The following SRBD1 variants were observed in gnomAD, a reference collection of about 807,000 sequenced individuals.
SRBD1 encodes the protein S1 RNA binding domain 1.
Under a neutral mutation model 115.3 loss-of-function variants are expected in SRBD1, and 88 were observed. The observed-to-expected ratio is 0.76, with a 90% CI of 0.64 to 0.91. SRBD1 has a LOEUF of 0.91. SRBD1 is among the 40% of genes least tolerant of loss of function. The pLI is 0.00. For missense variants in SRBD1, 1,385 were observed against 1,177.4 expected, an observed-to-expected ratio of 1.18 and a Z score of -2.58; for synonymous variants, 509 against 407.7, an observed-to-expected ratio of 1.25 and a Z score of -2.99.
intron 4 of SRBD1, among the ~76,000 whole-genome samples, chr2:45,594,939 G>A (rs924689432): frequency 1.5e-4 from 23 of 152,162 alleles, no homozygotes; most frequent in Admixed American, 3.3e-4. Context: ...CATTTTATCT[G>A]TTATTTTTCT....
At chr2:45,531,902 T>A (rs974548312) in intron 14 of SRBD1, among the ~76,000 whole-genome samples, 14 of 151,800 alleles carry the variant, frequency 9.2e-5, no homozygotes, top group Non-Finnish European at 7.4e-5. Context: ...GGTTGAACAA[T>A]CTCTGAATAA....
chr2:45,422,157 G>C (rs1231621547), intron 16 of SRBD1, among the ~76,000 whole-genome samples: 2 of 152,202 alleles, frequency 1.3e-5, no homozygotes, highest in African/African-American at 2.4e-5. Flanking sequence ...ATCGTTAAGA[G>C]CCATTAGAAT....
chr2:45,564,244 C>A (rs767079293), intron 9 of SRBD1, among the ~76,000 whole-genome samples: 2 of 151,800 alleles, frequency 1.3e-5, no homozygotes, highest in East Asian at 1.9e-4. Context: ...AATCAGGTAG[C>A]CCTTCATGAT....
intron 14 of SRBD1, among the ~76,000 whole-genome samples, chr2:45,545,207 G>C (rs759666924): frequency 2.0e-5 from 3 of 147,400 alleles, no homozygotes; most frequent in Admixed American, 6.8e-5. Flanking sequence ...ATGAACCTGG[G>C]ACACAGAGCT....
At chr2:45,430,927 C>G (rs138493706) in intron 16 of SRBD1, among the ~76,000 whole-genome samples, 2,964 of 152,028 alleles carry the variant, frequency 0.019, 35 homozygotes, top group Non-Finnish European at 0.031. Flanking sequence ...GAATCTACAA[C>G]GAACTTAAAC....
chr2:45,504,266 G>C lies in SRBD1; in HGVS notation c.1875-15935C>G, dbSNP rs548793273. ...GCCACTTAAAGCCACTTGAGAAAAAGCTTTCCAAAGTGATGCCAGAGGATG... is the reference window on the plus strand; with the variant it reads ...GCCACTTAAAGCCACTTGAGAAAAACCTTTCCAAAGTGATGCCAGAGGATG... On this transcript the variant is annotated intron_variant, in intron 14 of 20. Coordinates refer to ENST00000263736, the MANE Select transcript of SRBD1 (RefSeq NM_018079.5). 2.6e-5 allele frequency among the ~76,000 whole-genome samples: 4 copies of C among 152,086 alleles called. No homozygotes were observed. The South Asian group carries it at 6.2e-4, about 24-fold the overall frequency.
chr2:45,393,104 G>A lies in SRBD1; in HGVS notation c.2539C>T (p.Leu847=), dbSNP rs754987542. ...ATTTCAGGCTTTCCAACCTCATACA[G>A]TGTCCCTCCAATGGATGACAAAAAC... ...MRFLSSIGGT[L]YEVGKPEMQQ... is the part of the protein sequence containing the mutation. The change falls in exon 20 of 21, where the codon CTG becomes TTG. Residue 847 remains leucine (L), a synonymous_variant. Coordinates refer to ENST00000263736, the MANE Select transcript of SRBD1 (RefSeq NM_018079.5). 16 of 1,611,768 alleles carry A rather than the reference G, an allele frequency of 9.9e-6. No individual in the cohort carries two copies. The highest frequency in any genetic ancestry group is 1.3e-5 in the Non-Finnish European group (15 of 1,179,292).
At chr2:45,402,514 T>C (rs1375110365) in intron 19 of SRBD1, among the ~76,000 whole-genome samples, 4 of 152,188 alleles carry the variant, frequency 2.6e-5, no homozygotes, top group Admixed American at 2.6e-4. Context: ...TACATTTACC[T>C]GGTCCATTCC....
intron 9 of SRBD1, among the ~76,000 whole-genome samples, chr2:45,570,366 T>C (rs1672968856): frequency 6.6e-6 from 1 of 152,150 alleles, no homozygotes; most frequent in Non-Finnish European, 1.5e-5. Context: ...GCAATCCTAA[T>C]ACCAAAGCAG....
chr2:45,437,128 A>G (rs964831421), intron 16 of SRBD1, among the ~76,000 whole-genome samples: 1 of 152,130 alleles, frequency 6.6e-6, no homozygotes, highest in Non-Finnish European at 1.5e-5. Context: ...AAGAGGAGAG[A>G]TATTTCATGT....
intron 7 of SRBD1, among the ~76,000 whole-genome samples, chr2:45,577,683 G>A (rs150197634): frequency 6.6e-6 from 1 of 151,994 alleles, no homozygotes; most frequent in Non-Finnish European, 1.5e-5. Flanking sequence ...GAACTATCTG[G>A]TTTCTTAAAT....
At chr2:45,502,979 C>G (rs1670682965) in intron 14 of SRBD1, among the ~76,000 whole-genome samples, 1 of 152,110 alleles carries the variant, frequency 6.6e-6, no homozygotes, top group Admixed American at 6.5e-5. Flanking sequence ...GCCACTGCGC[C>G]CAGCAAAAGT....
intron 6 of SRBD1, 74 bp downstream of exon 6, chr2:45,581,619 G>T: frequency 9.5e-7 from 1 of 1,051,520 alleles, no homozygotes; most frequent in Non-Finnish European, 1.4e-6. Flanking sequence ...ATTTCTTGGT[G>T]TTCTTTAATC....
intron 12 of SRBD1, 95 bp downstream of exon 12, chr2:45,551,028 TAA>T (rs1672281802): frequency 9.8e-6 from 14 of 1,429,100 alleles, no homozygotes; most frequent in Non-Finnish European, 1.3e-5. Context: ...TTTAAGCCTT[TAA>T]AATTAACATT....
At chr2:45,521,322 C>G (rs1216726891) in intron 14 of SRBD1, among the ~76,000 whole-genome samples, 1 of 147,902 alleles carries the variant, frequency 6.8e-6, no homozygotes, top group Non-Finnish European at 1.5e-5. Context: ...CACACACAAA[C>G]CAAACTCGAA....
chr2:45,443,681 G>C (rs934608970), intron 16 of SRBD1, among the ~76,000 whole-genome samples: 1 of 151,874 alleles, frequency 6.6e-6, no homozygotes, highest in African/African-American at 2.4e-5. Flanking sequence ...GTGTGGTAGG[G>C]AGAAGAACCA....
intron 16 of SRBD1, among the ~76,000 whole-genome samples, chr2:45,444,852 AC>A (rs1335466569): frequency 2.0e-5 from 3 of 152,340 alleles, no homozygotes; most frequent in African/African-American, 7.2e-5. Context: ...TGACCACTCA[AC>A]GTTCATTCAG....
chr2:45,515,037 C>T (rs1355205248), intron 14 of SRBD1, among the ~76,000 whole-genome samples: 1 of 152,086 alleles, frequency 6.6e-6, no homozygotes, highest in Non-Finnish European at 1.5e-5. Flanking sequence ...AAACATAACA[C>T]TGAGCAATAT....
At chr2:45,609,139 A>G (rs1674366635) in intron 1 of SRBD1, among the ~76,000 whole-genome samples, 1 of 152,154 alleles carries the variant, frequency 6.6e-6, no homozygotes, top group African/African-American at 2.4e-5. Context: ...TTGACATATA[A>G]TTGACATGCA....
Sources: allele counts gnomAD v4.1 joint callset (sites outside exome capture counted in the v4.1 genomes callset), GRCh38; gene constraint gnomAD v4.1.1; transcripts MANE v1.5; gene names NCBI Gene and HGNC (gene_info 2026-07-23, HGNC 2026-07-21).